The following ACER2 variants were observed in gnomAD, a reference collection of about 807,000 sequenced individuals.
The protein encoded by ACER2 is alkaline ceramidase 2.
Under a neutral mutation model 34.7 loss-of-function variants are expected in ACER2, and 26 were observed. The observed-to-expected ratio is 0.75, with a 90% CI of 0.55 to 1.04. The LOEUF is 1.04. Ranked by LOEUF, ACER2 falls within the 50% of genes least tolerant of loss-of-function variation. ACER2 has a pLI of 0.00. For synonymous variants in ACER2, 138 were observed against 132.1 expected, an observed-to-expected ratio of 1.04 and a Z score of -0.31; for missense variants, 352 against 340.8, an observed-to-expected ratio of 1.03 and a Z score of -0.26.
At chr9:19,430,739 C>T (rs2132493962) in intron 3 of ACER2, among the ~76,000 whole-genome samples, 1 of 152,220 alleles carries the variant, frequency 6.6e-6, no homozygotes, top group East Asian at 1.9e-4. Flanking sequence ...AGGTGGATCA[C>T]CTGAGGTCAG....
chr9:19,432,872 G>A (rs1398846836), intron 3 of ACER2, among the ~76,000 whole-genome samples: 1 of 151,168 alleles, frequency 6.6e-6, no homozygotes, highest in Non-Finnish European at 1.5e-5. Flanking sequence ...AGGATTACAG[G>A]TGTGAGCCAC....
chr9:19,433,372 C>G (rs1214038999), intron 3 of ACER2, among the ~76,000 whole-genome samples: 2 of 151,812 alleles, frequency 1.3e-5, no homozygotes, highest in Non-Finnish European at 2.9e-5. Context: ...GAGCATGCTG[C>G]CTTCAAGCAT....
intron 1 of ACER2, among the ~76,000 whole-genome samples, chr9:19,417,762 G>A (rs10964128): frequency 0.32 from 48,758 of 151,940 alleles, 10,422 homozygotes; most frequent in African/African-American, 0.62. Context: ...ACCCTAGAAG[G>A]AAACCTAGGC....
intron 4 of ACER2, among the ~76,000 whole-genome samples, chr9:19,444,472 A>G (rs183635655): frequency 2.0e-3 from 297 of 152,288 alleles, no homozygotes; most frequent in African/African-American, 4.5e-3. Context: ...CGGCCTCCCA[A>G]AGTGCTGGAA....
intron 5 of ACER2, 94 bp from the exon 6 acceptor site, chr9:19,450,356 G>A: frequency 1.4e-6 from 2 of 1,417,430 alleles, no homozygotes; most frequent in Non-Finnish European, 1.9e-6. Flanking sequence ...AGTCAGCAAG[G>A]TGCGTGGGTT....
At chr9:19,445,752 G>A (rs1040029844) in intron 4 of ACER2, among the ~76,000 whole-genome samples, 2 of 152,168 alleles carry the variant, frequency 1.3e-5, no homozygotes, top group African/African-American at 4.8e-5. Context: ...TCATGCATCC[G>A]GGGCCTTGTG....
chr9:19,422,021 T>C lies in ACER2; in HGVS notation c.109-1841T>C, dbSNP rs77419489. Among the ~76,000 whole-genome samples the C allele has an allele frequency of 1.0e-2, 1,512 of 151,942 alleles. 27 individuals carry two copies. The highest frequency in any genetic ancestry group is 0.034 in the African/African-American group (1,423 of 41,456). ...AAACTAGGCTGGACGCGGTGACTCA[T>C]GCCTATAATCCCAGCATTTTGGGAG... is the stretch of plus-strand genomic sequence containing the variant. On this transcript the variant is annotated intron_variant, in intron 1 of 5. Transcript: ENST00000340967.
chr9:19,442,643 G>A (rs1436518611), intron 4 of ACER2, among the ~76,000 whole-genome samples: 2 of 152,228 alleles, frequency 1.3e-5, no homozygotes, highest in African/African-American at 4.8e-5. Context: ...CCGTTCTGGT[G>A]TGTTCCTTAA....
chr9:19,433,603 C>A (rs1395338522), intron 3 of ACER2, among the ~76,000 whole-genome samples: 1 of 152,284 alleles, frequency 6.6e-6, no homozygotes, highest in South Asian at 2.1e-4. Context: ...TTTTCCCCAC[C>A]TTTCCTCCCT....
intron 4 of ACER2, among the ~76,000 whole-genome samples, chr9:19,436,833 C>T (rs545597826): frequency 2.0e-5 from 3 of 152,282 alleles, no homozygotes; most frequent in Admixed American, 2.0e-4. Flanking sequence ...GCACTTATTA[C>T]ATTATTTCCT....
intron 3 of ACER2, 80 bp downstream of exon 3, chr9:19,424,921 C>A: frequency 6.5e-7 from 1 of 1,546,482 alleles, no homozygotes. Context: ...AGAAAAATAG[C>A]ACATGATTGA....
intron 4 of ACER2, among the ~76,000 whole-genome samples, chr9:19,438,523 C>G (rs1831045229): frequency 6.6e-6 from 1 of 152,212 alleles, no homozygotes; most frequent in Non-Finnish European, 1.5e-5. Context: ...CTAGCCAACT[C>G]TGGATGTTAA....
intron 3 of ACER2, among the ~76,000 whole-genome samples, chr9:19,432,815 A>G (rs1830799552): frequency 6.6e-6 from 1 of 150,656 alleles, no homozygotes; most frequent in Non-Finnish European, 1.5e-5. Context: ...TGTAAACTCA[A>G]ACTCCTGGGC....
chr9:19,435,174 G>C, intron 4 of ACER2, 90 bp downstream of exon 4: 1 of 1,474,976 alleles, frequency 6.8e-7, no homozygotes, highest in Non-Finnish European at 9.2e-7. Flanking sequence ...TAGCAGAAGA[G>C]GAGTTTTATT....
Position 19,439,983 on chromosome 9 carries a change from C to T in ACER2, c.503+4899C>T, listed in dbSNP as rs557977564. ...GAGCAAGACTCCATCCCCCCGCCCC[C>T]AAAGAAAGCTCCCTTTATCCCTTAC... is the stretch of plus-strand genomic sequence containing the variant. On this transcript the variant is annotated intron_variant, in intron 4 of 5. Coordinates refer to ENST00000340967, the MANE Select transcript of ACER2 (RefSeq NM_001010887.3). Among the ~76,000 whole-genome samples the T allele has an allele frequency of 5.9e-5, 9 of 152,202 alleles. No homozygotes were observed. In the East Asian group the frequency reaches 9.7e-4, roughly 16 times the overall value.
chr9:19,422,991 C>G (rs945791986), intron 1 of ACER2, among the ~76,000 whole-genome samples: 1 of 138,624 alleles, frequency 7.2e-6, no homozygotes, highest in Non-Finnish European at 1.5e-5. Flanking sequence ...GAGACTGCAC[C>G]AAAGAACTCC....
At chr9:19,436,592 G>C (rs369352774) in intron 4 of ACER2, among the ~76,000 whole-genome samples, 1 of 150,910 alleles carries the variant, frequency 6.6e-6, no homozygotes, top group East Asian at 1.9e-4. Context: ...GCTCATTCTC[G>C]TATGAGTTAA....
intron 5 of ACER2, among the ~76,000 whole-genome samples, chr9:19,446,931 A>G (rs1322243457): frequency 1.3e-5 from 2 of 152,162 alleles, no homozygotes; most frequent in Non-Finnish European, 1.5e-5. Flanking sequence ...TGAATTGTTT[A>G]ATGTCACCCA....
intron 3 of ACER2, among the ~76,000 whole-genome samples, chr9:19,425,865 G>A (rs1046161628): frequency 9.9e-5 from 15 of 152,254 alleles, no homozygotes; most frequent in African/African-American, 3.1e-4. Flanking sequence ...TGAAGCAAAC[G>A]GTATGTGCCC....
Sources: allele counts gnomAD v4.1 joint callset (sites outside exome capture counted in the v4.1 genomes callset), GRCh38; gene constraint gnomAD v4.1.1; transcripts MANE v1.5; gene names NCBI Gene and HGNC (gene_info 2026-07-23, HGNC 2026-07-21).